TRAF3IP2: variants seen among roughly 807,000 people sequenced by gnomAD.
TRAF3IP2 encodes the protein TRAF3 interacting protein 2.
TRAF3IP2 carries 35 observed loss-of-function variants against 57.9 expected under a neutral mutation model. The ratio of observed to expected loss-of-function variants is 0.60; its 90% CI spans 0.46 to 0.80. The LOEUF (loss-of-function observed/expected upper bound fraction) is 0.80, where lower values mean the gene tolerates loss of function less well. Among genes scored for constraint, TRAF3IP2 ranks in the 30% least tolerant of loss-of-function variants. The pLI is 0.00. For synonymous variants in TRAF3IP2, 251 were observed against 268.9 expected, an observed-to-expected ratio of 0.93 and a Z score of 0.65; for missense variants, 556 against 706.4, an observed-to-expected ratio of 0.79 and a Z score of 2.41.
chr6:111,574,491 G>A (rs895865212), intron 4 of TRAF3IP2: 1 of 152,178 alleles, frequency 6.6e-6, no homozygotes, highest in African/African-American at 2.4e-5. Context: ...AGCAAAATGT[G>A]GAAAAAGAAT....
rs558524251 is a variant in TRAF3IP2, at chr6:111,582,507, T to C, written c.830-2118A>G. Among the ~76,000 whole-genome samples the C allele has an allele frequency of 3.3e-5, 5 of 152,250 alleles. No homozygotes were observed. In the South Asian group the frequency reaches 1.0e-3, roughly 32 times the overall value. Reference sequence around the variant, plus strand: ...CAGGCCCACAGAGACTCCTATGGTCTAGGACAAGGTCTACTGCACAGGCTT... The same window carrying C: ...CAGGCCCACAGAGACTCCTATGGTCCAGGACAAGGTCTACTGCACAGGCTT... On this transcript the variant is annotated intron_variant, in intron 2 of 8. Transcript: ENST00000368761.
chr6:111,575,948 T>A, intron 3 of TRAF3IP2, 127 bp from the exon 4 acceptor site: 1 of 890,114 alleles, frequency 1.1e-6, no homozygotes, highest in Non-Finnish European at 1.7e-6. Flanking sequence ...ATTTCTTAAC[T>A]GAGACAGAAG....
chr6:111,565,060 G>A (rs957069541), intron 7 of TRAF3IP2, among the ~76,000 whole-genome samples: 1 of 152,192 alleles, frequency 6.6e-6, no homozygotes, highest in African/African-American at 2.4e-5. Context: ...GAGACCAGAA[G>A]AGGAGGGAGC....
intron 1 of TRAF3IP2, among the ~76,000 whole-genome samples, chr6:111,593,649 C>T (rs572774713): frequency 1.1e-4 from 16 of 152,232 alleles, no homozygotes; most frequent in East Asian, 3.9e-4. Flanking sequence ...TTCTAACTTC[C>T]GGCTGGCCTT....
chr6:111,563,104 A>G, intron 7 of TRAF3IP2, 65 bp from the exon 8 acceptor site: 4 of 1,202,242 alleles, frequency 3.3e-6, no homozygotes, highest in Non-Finnish European at 4.9e-6. Context: ...TGGTACCCAT[A>G]ATCATGCACG....
intron 4 of TRAF3IP2, chr6:111,573,492 C>G (rs895123137): frequency 6.5e-6 from 1 of 153,522 alleles, no homozygotes; most frequent in African/African-American, 2.4e-5. Context: ...ACTGGTTCCC[C>G]GCTCCCTTCT....
chr6:111,591,508 T>C lies in TRAF3IP2; in HGVS notation c.579A>G (p.Pro193=). 1 of 1,612,222 alleles carries C rather than the reference T, an allele frequency of 6.2e-7. No homozygotes were observed. The highest frequency in any genetic ancestry group is 8.5e-7 in the Non-Finnish European group (1 of 1,178,464). ...PHRNRAGLDL[P]TIDTGYDSQP... ...GGGAATCATATCCCGTGTCTATGGTTGGCAGATCCAGGCCTGCTCGGTTCC... is the reference window on the plus strand; with the variant it reads ...GGGAATCATATCCCGTGTCTATGGTCGGCAGATCCAGGCCTGCTCGGTTCC... Residue 193 remains proline (P), a synonymous_variant, in exon 2 of 9, where the codon CCA becomes CCG. Transcript: ENST00000368761. This position sits in a 1 kb window ranked among gnomAD's most constrained non-coding sequence, Gnocchi z 4.9.
chr6:111,603,109 CACAA>C (rs968967079), intron 1 of TRAF3IP2, among the ~76,000 whole-genome samples: 13 of 136,458 alleles, frequency 9.5e-5, no homozygotes, highest in Non-Finnish European at 1.9e-4. Context: ...CACACACACA[CACAA>C]GGCGTGCACA....
chr6:111,559,317 GGA>G lies in TRAF3IP2; in HGVS notation c.*86_*87del. On this transcript the variant is annotated 3_prime_UTR_variant, in exon 9 of 9. Coordinates refer to ENST00000368761, the MANE Select transcript of TRAF3IP2 (RefSeq NM_147686.4). Reference sequence around the variant, plus strand: ...GGGAGGAACAGAAAAAAACCAGCCAGGAGTGCTACCGACCAGCCTCAGCCAGA... The same window carrying G: ...GGGAGGAACAGAAAAAAACCAGCCAGGTGCTACCGACCAGCCTCAGCCAGA... The G allele has an allele frequency of 6.6e-7, 1 of 1,525,840 alleles. No individual in the cohort carries two copies. The highest frequency in any genetic ancestry group is 2.1e-5 in the Admixed American group (1 of 47,454). The allele number at this position is 1,525,840 out of a possible 1,614,324, so 94.5% of individuals were successfully genotyped here. A position where few individuals can be genotyped will look rare whatever the true frequency, so the allele number is the denominator to read the frequency against.
intron 2 of TRAF3IP2, among the ~76,000 whole-genome samples, chr6:111,588,683 C>G (rs1042758438): frequency 1.3e-5 from 2 of 152,256 alleles, no homozygotes; most frequent in East Asian, 3.9e-4. Flanking sequence ...TCGCATTAAT[C>G]TAAGGAGTTA....
chr6:111,556,193 C>T lies in TRAF3IP2; in HGVS notation c.*3212G>A, dbSNP rs1052337646. On this transcript the variant is annotated 3_prime_UTR_variant, in exon 9 of 9. Coordinates refer to ENST00000368761, the MANE Select transcript of TRAF3IP2 (RefSeq NM_147686.4). ...CAAGCTTTTGTCACTTGGCCAAGTG[C>T]GTGTGTGTGTGTATGTGTGCGTGTG... Among the ~76,000 whole-genome samples, 3 of 150,508 alleles carry T rather than the reference C, an allele frequency of 2.0e-5. No individual in the cohort carries two copies. Among genetic ancestry groups the T allele is most frequent in the Admixed American group, 6.6e-5 (1 of 15,116 alleles).
chr6:111,569,211 T>G (rs1382107680), intron 5 of TRAF3IP2, among the ~76,000 whole-genome samples: 1 of 152,198 alleles, frequency 6.6e-6, no homozygotes, highest in Non-Finnish European at 1.5e-5. Context: ...ACTAATCCAT[T>G]GCTATTATAT....
At chr6:111,586,852 G>A (rs1284837509) in intron 2 of TRAF3IP2, 1 of 152,214 alleles carries the variant, frequency 6.6e-6, no homozygotes, top group Admixed American at 6.5e-5. Flanking sequence ...TCTGGAAGTA[G>A]AGGAGCACCC....
intron 4 of TRAF3IP2, 148 bp from the exon 5 acceptor site, chr6:111,573,131 TG>T: frequency 6.1e-6 from 4 of 653,032 alleles, no homozygotes; most frequent in Non-Finnish European, 7.8e-6. Context: ...ATGCCTACGT[TG>T]TATGCTGTCC....
intron 2 of TRAF3IP2, among the ~76,000 whole-genome samples, chr6:111,590,503 G>A (rs1796473680): frequency 6.6e-6 from 1 of 152,124 alleles, no homozygotes; most frequent in Admixed American, 6.5e-5. Flanking sequence ...ATTTAAAATG[G>A]GTTAAGGGTA....
chr6:111,579,176 A>C (rs1425045178), intron 3 of TRAF3IP2, among the ~76,000 whole-genome samples: 1 of 152,078 alleles, frequency 6.6e-6, no homozygotes, highest in Non-Finnish European at 1.5e-5. Flanking sequence ...TAAAAATACA[A>C]AAATTAGCTA....
intron 2 of TRAF3IP2, among the ~76,000 whole-genome samples, chr6:111,586,836 G>A (rs1583235596): frequency 1.3e-5 from 2 of 152,198 alleles, no homozygotes; most frequent in African/African-American, 4.8e-5. Flanking sequence ...GTGCCAGTGA[G>A]TGGGATCTGG....
At position 111,557,756 on chromosome 6, in the gene TRAF3IP2, G is replaced by A. The variant is rs1200579533; in HGVS notation, c.*1649C>T. On this transcript the variant is annotated 3_prime_UTR_variant, in exon 9 of 9. Transcript: ENST00000368761. ...GAGGAAAATGTTGGCTGGGTGTGGT[G>A]GCTCACACCTGTAATCCCAGCACTT... The A allele has an allele frequency of 6.6e-6, 1 of 151,804 alleles. No individual in the cohort carries two copies. Among genetic ancestry groups the A allele is most frequent in the East Asian group, 2.0e-4 (1 of 5,060 alleles). 9.4% of individuals were successfully genotyped at this position (151,804 alleles called of 1,614,324 possible).
At position 111,559,240 on chromosome 6, in the gene TRAF3IP2, T is replaced by C. The variant is rs549638395; in HGVS notation, c.*165A>G. 1.1e-5 allele frequency: 10 copies of C among 897,504 alleles called. No homozygotes were observed. In the Admixed American group the frequency reaches 1.3e-4, roughly 12 times the overall value. 55.6% of individuals were successfully genotyped at this position (897,504 alleles called of 1,614,324 possible). On this transcript the variant is annotated 3_prime_UTR_variant, in exon 9 of 9. Coordinates refer to ENST00000368761, the MANE Select transcript of TRAF3IP2 (RefSeq NM_147686.4). Reference sequence around the variant, plus strand: ...TTCAAAGCCAGGGTGTGTGGAGGTCTCCGGGGAAGAGCTCTGCACAACAGG... The same window carrying C: ...TTCAAAGCCAGGGTGTGTGGAGGTCCCCGGGGAAGAGCTCTGCACAACAGG...
Sources: allele counts gnomAD v4.1 joint callset (sites outside exome capture counted in the v4.1 genomes callset), GRCh38; gene constraint gnomAD v4.1.1; non-coding constraint Gnocchi (gnomAD v3.1); transcripts MANE v1.5; gene names NCBI Gene and HGNC (gene_info 2026-07-23, HGNC 2026-07-21).